ARHGAP42: variants seen among roughly 807,000 people sequenced by gnomAD.
The protein encoded by ARHGAP42 is Rho GTPase activating protein 42.
A neutral mutation model predicts 125.0 loss-of-function variants in ARHGAP42; 63 were observed. That is an observed-to-expected ratio of 0.50 (90% CI 0.41 to 0.62). The LOEUF (loss-of-function observed/expected upper bound fraction) is 0.62, where lower values mean the gene tolerates loss of function less well. Ranked by LOEUF, ARHGAP42 falls within the 20% of genes least tolerant of loss-of-function variation. The pLI, the probability that ARHGAP42 is intolerant of heterozygous loss-of-function variation, is 0.00. For synonymous variants in ARHGAP42, 339 were observed against 351.0 expected, an observed-to-expected ratio of 0.97 and a Z score of 0.38; for missense variants, 766 against 1,024.2, an observed-to-expected ratio of 0.75 and a Z score of 3.44.
At chr11:100,838,906 T>C (rs1333071024) in intron 3 of ARHGAP42, among the ~76,000 whole-genome samples, 1 of 152,176 alleles carries the variant, frequency 6.6e-6, no homozygotes, top group Non-Finnish European at 1.5e-5. Flanking sequence ...CTTTTTCTAT[T>C]ATTTAGCCTT....
At chr11:100,860,482 A>G (rs1163662725) in intron 4 of ARHGAP42, among the ~76,000 whole-genome samples, 1 of 152,014 alleles carries the variant, frequency 6.6e-6, no homozygotes, top group Non-Finnish European at 1.5e-5. Context: ...TAATTTTGAT[A>G]ATGAAAGCTT....
At chr11:100,848,118 T>C (rs1017040868) in intron 3 of ARHGAP42, among the ~76,000 whole-genome samples, 1 of 152,148 alleles carries the variant, frequency 6.6e-6, no homozygotes, top group Non-Finnish European at 1.5e-5. Context: ...TGGGAAGCTT[T>C]GGGGTAAGGT....
In ARHGAP42 at chr11:100,687,417, G is replaced by A. The variant is rs539279597; in HGVS notation, c.-262G>A. On this transcript the variant is annotated 5_prime_UTR_variant, in exon 1 of 24. Coordinates refer to ENST00000298815, the MANE Select transcript of ARHGAP42 (RefSeq NM_152432.4). ...GCCCCCGCGTTCCGAACGACGATGC[G>A]TCCAGATGACAACAACCTGAGGGGA... Among the ~76,000 whole-genome samples, 10 of 152,062 alleles carry A rather than the reference G, an allele frequency of 6.6e-5. No individual in the cohort carries two copies. The highest frequency in any genetic ancestry group is 2.4e-4 in the African/African-American group (10 of 41,528).
chr11:100,780,019 C>A (rs1285970895), intron 2 of ARHGAP42, among the ~76,000 whole-genome samples: 3 of 150,714 alleles, frequency 2.0e-5, no homozygotes, highest in African/African-American at 7.3e-5. Flanking sequence ...GAGTGAGACT[C>A]CATCTCAAAA....
At chr11:100,941,300 A>T (rs1204321522) in intron 8 of ARHGAP42, among the ~76,000 whole-genome samples, 1 of 152,172 alleles carries the variant, frequency 6.6e-6, no homozygotes, top group Non-Finnish European at 1.5e-5. Context: ...AACCTTGTGG[A>T]TAATAGGCTC....
At position 100,687,452 on chromosome 11, in the gene ARHGAP42, C is replaced by A. The variant is rs909734024; in HGVS notation, c.-227C>A. Among the ~76,000 whole-genome samples the A allele has an allele frequency of 2.0e-5, 3 of 152,004 alleles. No individual in the cohort carries two copies. Among genetic ancestry groups the A allele is most frequent in the African/African-American group, 7.2e-5 (3 of 41,522 alleles). ...CAACAACCTGAGGGGACTCGCGCCT[C>A]GGCCCGCCGCCCGCGCCTGCGCTCG... On this transcript the variant is annotated 5_prime_UTR_variant, in exon 1 of 24. Coordinates refer to ENST00000298815, the MANE Select transcript of ARHGAP42 (RefSeq NM_152432.4).
At chr11:100,804,827 GA>G (rs2135049194) in intron 3 of ARHGAP42, among the ~76,000 whole-genome samples, 1 of 152,202 alleles carries the variant, frequency 6.6e-6, no homozygotes, top group Non-Finnish European at 1.5e-5. Context: ...ATTTAAGAAA[GA>G]AAAAAGTGTG....
intron 6 of ARHGAP42, among the ~76,000 whole-genome samples, chr11:100,925,775 A>C (rs1271738102): frequency 1.3e-5 from 2 of 152,166 alleles, no homozygotes; most frequent in Admixed American, 1.3e-4. Flanking sequence ...TTACTAGTAA[A>C]TTACACATTG....
intron 4 of ARHGAP42, among the ~76,000 whole-genome samples, chr11:100,910,299 T>TTA (rs1339811479): frequency 6.6e-6 from 1 of 152,178 alleles, no homozygotes; most frequent in Non-Finnish European, 1.5e-5. Flanking sequence ...GTACTATGCT[T>TTA]TATATAGGGT....
intron 3 of ARHGAP42, among the ~76,000 whole-genome samples, chr11:100,857,963 G>A (rs1865359617): frequency 1.3e-5 from 2 of 151,990 alleles, no homozygotes; most frequent in Non-Finnish European, 1.5e-5. Context: ...ATAAATAGTA[G>A]GCTTTATTGT....
At chr11:100,787,549 C>T (rs559868222) in intron 2 of ARHGAP42, among the ~76,000 whole-genome samples, 5 of 152,158 alleles carry the variant, frequency 3.3e-5, no homozygotes, top group Admixed American at 1.3e-4. Context: ...CAGAAGAGAG[C>T]GAAAGATTAA....
intron 3 of ARHGAP42, among the ~76,000 whole-genome samples, chr11:100,813,006 C>T (rs1864183386): frequency 6.6e-6 from 1 of 152,144 alleles, no homozygotes; most frequent in Admixed American, 6.5e-5. Flanking sequence ...TATTTCATTA[C>T]TTAAAAGACA....
chr11:100,749,493 C>T (rs1012842009), intron 1 of ARHGAP42, among the ~76,000 whole-genome samples: 7 of 147,118 alleles, frequency 4.8e-5, no homozygotes, highest in East Asian at 4.1e-4. Flanking sequence ...TGGCCTGCCC[C>T]GGAAGGCTCA....
intron 1 of ARHGAP42, among the ~76,000 whole-genome samples, chr11:100,762,970 A>ATTTTTTTTT (rs553749625): frequency 2.4e-5 from 2 of 84,992 alleles, no homozygotes; most frequent in Non-Finnish European, 4.4e-5. Flanking sequence ...GTTTATAGTG[A>ATTTTTTTTT]TTTTTTTTTT....
intron 1 of ARHGAP42, among the ~76,000 whole-genome samples, chr11:100,766,629 A>C (rs571037735): frequency 1.3e-5 from 2 of 152,338 alleles, no homozygotes; most frequent in South Asian, 4.1e-4. Flanking sequence ...AGAATTGCAC[A>C]GTCAGTAGGA....
chr11:100,693,548 C>T (rs893817142), intron 1 of ARHGAP42, among the ~76,000 whole-genome samples: 9 of 152,166 alleles, frequency 5.9e-5, no homozygotes, highest in African/African-American at 2.2e-4. Flanking sequence ...CTCATGATCT[C>T]CATGAGCTTA....
At chr11:100,770,089 ACT>A (rs1195183520) in intron 1 of ARHGAP42, among the ~76,000 whole-genome samples, 1 of 151,914 alleles carries the variant, frequency 6.6e-6, no homozygotes, top group Non-Finnish European at 1.5e-5. Context: ...TGCCACCAAA[ACT>A]CTCTTAAAGC....
intron 6 of ARHGAP42, among the ~76,000 whole-genome samples, chr11:100,926,689 G>A (rs988384666): frequency 7.2e-5 from 11 of 152,222 alleles, no homozygotes; most frequent in Middle Eastern, 3.4e-3. Context: ...CCAGGATCAC[G>A]GTGAGGATCA....
chr11:100,914,228 C>A (rs1040593262), intron 5 of ARHGAP42, among the ~76,000 whole-genome samples: 1 of 152,112 alleles, frequency 6.6e-6, no homozygotes, highest in Non-Finnish European at 1.5e-5. Flanking sequence ...AACCACTGTG[C>A]CCCACCGCTA....
Sources: gnomAD v4.1 joint callset for allele counts (sites outside exome capture counted in the v4.1 genomes callset) on GRCh38, gnomAD v4.1.1 for gene constraint, MANE v1.5 for transcripts, NCBI Gene and HGNC (gene_info 2026-07-23, HGNC 2026-07-21) for gene names.